Variants in CEP63 observed in about 807,000 individuals in gnomAD.
CEP63 encodes centrosomal protein 63.
Under a neutral mutation model 89.1 loss-of-function variants are expected in CEP63, and 84 were observed. The observed-to-expected ratio is 0.94, with a 90% CI of 0.79 to 1.13. The LOEUF is 1.13. CEP63 is among the 50% of genes most tolerant of loss of function. The pLI is 0.00. For missense variants in CEP63, 838 were observed against 813.3 expected, an observed-to-expected ratio of 1.03 and a Z score of -0.37; for synonymous variants, 267 against 272.5, an observed-to-expected ratio of 0.98 and a Z score of 0.20.
At chr3:134,781,514 G>A in the CEP63 span, among the ~76,000 whole-genome samples, 818 of 152,336 alleles carry the variant, frequency 5.4e-3, 14 homozygotes, top group African/African-American at 0.018. Context: ...TGAGGAAGGC[G>A]GGAGAGGGTG....
chr3:134,638,685 C>A, the CEP63 span, among the ~76,000 whole-genome samples: 2 of 152,234 alleles, frequency 1.3e-5, no homozygotes, highest in African/African-American at 4.8e-5. Flanking sequence ...TACAGGCAAG[C>A]ACAAGAATGT....
the CEP63 span, chr3:134,651,139 A>G: frequency 6.8e-7 from 1 of 1,470,832 alleles, no homozygotes; most frequent in Non-Finnish European, 9.0e-7. Context: ...ACACGCCATT[A>G]GGGCCCGCCT....
the CEP63 span, among the ~76,000 whole-genome samples, chr3:134,682,325 G>T: frequency 2.6e-5 from 4 of 152,152 alleles, no homozygotes; most frequent in African/African-American, 9.7e-5. Flanking sequence ...ATTGAGAAAT[G>T]AGTCTGCAAT....
chr3:134,557,727 C>T (rs1956515949), intron 12 of CEP63, among the ~76,000 whole-genome samples: 2 of 152,112 alleles, frequency 1.3e-5, no homozygotes, highest in African/African-American at 4.8e-5. Context: ...AGATTTTTCT[C>T]ACAACTTTTT....
At chr3:134,767,938 A>T in the CEP63 span, among the ~76,000 whole-genome samples, 2 of 152,208 alleles carry the variant, frequency 1.3e-5, no homozygotes, top group African/African-American at 2.4e-5. Flanking sequence ...GTGATGGATG[A>T]TTATTGATCA....
At chr3:134,770,956 C>A in the CEP63 span, among the ~76,000 whole-genome samples, 1 of 152,182 alleles carries the variant, frequency 6.6e-6, no homozygotes, top group African/African-American at 2.4e-5. Flanking sequence ...ACAACAAATA[C>A]TTTTCTCCTG....
chr3:134,769,652 G>A, the CEP63 span, among the ~76,000 whole-genome samples: 1 of 152,204 alleles, frequency 6.6e-6, no homozygotes, highest in South Asian at 2.1e-4. Flanking sequence ...ACTCCTTGAT[G>A]TTAGTGATTG....
chr3:134,765,233 C>G, the CEP63 span, among the ~76,000 whole-genome samples: 1 of 152,150 alleles, frequency 6.6e-6, no homozygotes, highest in African/African-American at 2.4e-5. Flanking sequence ...GGCTAATGTC[C>G]CAATAAGACA....
the CEP63 span, among the ~76,000 whole-genome samples, chr3:134,699,329 T>C: frequency 6.6e-6 from 1 of 152,148 alleles, no homozygotes; most frequent in Non-Finnish European, 1.5e-5. Context: ...CTGCAAACTG[T>C]AGGGCACGCT....
the CEP63 span, among the ~76,000 whole-genome samples, chr3:134,660,555 A>T: frequency 1.3e-5 from 2 of 152,162 alleles, no homozygotes; most frequent in Non-Finnish European, 2.9e-5. Context: ...TGTAAGACCC[A>T]TTGTTCATTT....
chr3:134,591,923 A>G (rs1256931875), downstream of CEP63, among the ~76,000 whole-genome samples: 1 of 151,976 alleles, frequency 6.6e-6, no homozygotes, highest in Non-Finnish European at 1.5e-5. Flanking sequence ...AGACTGAGAT[A>G]CTAAAATGCT....
chr3:134,615,491 A>G, the CEP63 span: 2 of 146,844 alleles, frequency 1.4e-5, no homozygotes, highest in African/African-American at 5.1e-5. Context: ...TTTTGTTATT[A>G]TTATACTTTA....
chr3:134,643,233 A>C, the CEP63 span: 1 of 1,365,296 alleles, frequency 7.3e-7, no homozygotes, highest in Non-Finnish European at 1.0e-6. Context: ...TCTGAGCTCC[A>C]CATCCTGGGC....
chr3:134,705,747 G>A, the CEP63 span, among the ~76,000 whole-genome samples: 1 of 152,212 alleles, frequency 6.6e-6, no homozygotes, highest in Admixed American at 6.5e-5. Flanking sequence ...CCAGTGGGGA[G>A]CTCACACTTA....
At chr3:134,760,151 C>T in the CEP63 span, among the ~76,000 whole-genome samples, 53 of 151,670 alleles carry the variant, frequency 3.5e-4, no homozygotes, top group Non-Finnish European at 5.9e-4. Flanking sequence ...CTCCGCCTCC[C>T]GGGTTCACGC....
chr3:134,746,545 A>G, the CEP63 span, among the ~76,000 whole-genome samples: 28 of 152,234 alleles, frequency 1.8e-4, 1 homozygote, highest in Admixed American at 2.0e-4. Flanking sequence ...TCAACAGTGT[A>G]AAAGCATTTC....
the CEP63 span, among the ~76,000 whole-genome samples, chr3:134,759,864 T>G: frequency 2.0e-5 from 3 of 152,198 alleles, no homozygotes; most frequent in Non-Finnish European, 2.9e-5. Flanking sequence ...TTTTAAGTCT[T>G]CACAATAGCC....
the CEP63 span, among the ~76,000 whole-genome samples, chr3:134,638,621 T>C: frequency 2.6e-5 from 4 of 152,226 alleles, no homozygotes; most frequent in Non-Finnish European, 5.9e-5. Flanking sequence ...CTGGCCCCTT[T>C]CCTAGACCCC....
At chr3:134,604,427 A>G in the CEP63 span, 4 of 1,613,624 alleles carry the variant, frequency 2.5e-6, no homozygotes, top group Non-Finnish European at 3.4e-6. Flanking sequence ...ATGAACATGA[A>G]CAGCGTCGGG....
Sources: gnomAD v4.1 joint callset for allele counts (sites outside exome capture counted in the v4.1 genomes callset) on GRCh38, gnomAD v4.1.1 for gene constraint, MANE v1.5 for transcripts, NCBI Gene and HGNC (gene_info 2026-07-23, HGNC 2026-07-21) for gene names.